Variants in ASXL1 observed in about 807,000 individuals in gnomAD.
The protein encoded by ASXL1 is polycomb group protein ASXL1.
ASXL1 carries 65 observed loss-of-function variants against 89.1 expected under a neutral mutation model. That is an observed-to-expected ratio of 0.73 (90% CI 0.60 to 0.90). The LOEUF is 0.90. Among genes scored for constraint, ASXL1 ranks in the 40% least tolerant of loss-of-function variants. The pLI is 0.00. For synonymous variants in ASXL1, 739 were observed against 746.9 expected (o/e 0.99, Z 0.17); for missense variants, 1,786 against 1,942.9 (o/e 0.92, Z 1.52).
intron 4 of ASXL1, among the ~76,000 whole-genome samples, chr20:32,408,779 T>G (rs2123094455): frequency 6.6e-6 from 1 of 151,968 alleles, no homozygotes; most frequent in Admixed American, 6.6e-5. Flanking sequence ...TTAAAAAAAT[T>G]GGGATTTTGA....
At chr20:32,411,694 A>C (rs922315830) in intron 4 of ASXL1, among the ~76,000 whole-genome samples, 2 of 150,224 alleles carry the variant, frequency 1.3e-5, no homozygotes, top group African/African-American at 2.5e-5. Context: ...GGTTTGTGCC[A>C]CCACACCCAG....
intron 4 of ASXL1, among the ~76,000 whole-genome samples, chr20:32,395,864 T>C (rs2048752465): frequency 6.6e-6 from 1 of 152,196 alleles, no homozygotes; most frequent in African/African-American, 2.4e-5. Context: ...AGTGGCATGA[T>C]CTTGGCTCGC....
At chr20:32,379,980 A>G (rs1361409366) in intron 4 of ASXL1, among the ~76,000 whole-genome samples, 3 of 151,940 alleles carry the variant, frequency 2.0e-5, no homozygotes, top group Admixed American at 2.0e-4. Context: ...GTATAAAAAA[A>G]CTTAATAAAA....
intron 4 of ASXL1, among the ~76,000 whole-genome samples, chr20:32,418,464 A>G (rs2049176482): frequency 6.6e-6 from 1 of 152,186 alleles, no homozygotes; most frequent in South Asian, 2.1e-4. Context: ...TAATTCATAG[A>G]CCATACAGTT....
At chr20:32,430,093 G>T (rs1049852826) in intron 8 of ASXL1, 40 bp downstream of exon 8, 1 of 1,591,034 alleles carries the variant, frequency 6.3e-7, no homozygotes, top group Non-Finnish European at 8.5e-7. Flanking sequence ...TGTAAAGGGG[G>T]CCCCTGCAGG....
intron 1 of ASXL1, among the ~76,000 whole-genome samples, chr20:32,365,039 A>G (rs944701534): frequency 3.9e-5 from 6 of 152,224 alleles, no homozygotes; most frequent in African/African-American, 9.6e-5. Flanking sequence ...CAGGCTGTCA[A>G]TCAAGGTAGG....
chr20:32,382,344 C>T (rs913970791), intron 4 of ASXL1, among the ~76,000 whole-genome samples: 6 of 152,028 alleles, frequency 3.9e-5, no homozygotes, highest in Non-Finnish European at 7.4e-5. Flanking sequence ...ATAAACCTTT[C>T]TCAGGGTGTG....
chr20:32,434,943 G>T lies in ASXL1; in HGVS notation c.2231G>T (p.Gly744Val). The change falls in exon 13 of 13, where the codon GGA becomes GTA. Residue 744 changes from glycine to valine, a missense_variant. Transcript: ENST00000375687. ...ACAGTTGGACTCACAGATGGGCTAG[G>T]AGATGCCTCCCAACTCCCCGTTGCT... ...RATVGLTDGL[G>V]DASQLPVAPT... 1 of 1,614,160 alleles carries T rather than the reference G, an allele frequency of 6.2e-7. No individual in the cohort carries two copies. Among genetic ancestry groups the T allele is most frequent in the Non-Finnish European group, 8.5e-7 (1 of 1,180,026 alleles).
chr20:32,401,867 T>A (rs1033870099), intron 4 of ASXL1, among the ~76,000 whole-genome samples: 2 of 152,136 alleles, frequency 1.3e-5, no homozygotes, highest in African/African-American at 4.8e-5. Context: ...ACTATACATA[T>A]ACGCCTATGA....
chr20:32,434,583 T>TC lies in ASXL1; in HGVS notation c.1873dup (p.Arg625ProfsTer10), dbSNP rs761292063. ...GACATTAAAGCCCGTGCTCTGCAGG[T>TC]CCGAGGGGCGAGAGGTCACCACTGC... is the stretch of plus-strand genomic sequence containing the variant. On this transcript the variant is annotated frameshift_variant, in exon 13 of 13. Transcript: ENST00000375687. LOFTEE classifies it low-confidence loss of function (END_TRUNC). The TC allele has an allele frequency of 1.2e-6, 2 of 1,612,992 alleles. No homozygotes were observed. The highest frequency in any genetic ancestry group is 1.7e-6 in the Non-Finnish European group (2 of 1,179,926).
In ASXL1 at chr20:32,438,002, G is replaced by A; in HGVS notation, c.*664G>A. 1 of 234,374 alleles carries A rather than the reference G, an allele frequency of 4.3e-6. No homozygotes were observed. Among genetic ancestry groups the A allele is most frequent in the Admixed American group, 5.6e-5 (1 of 17,960 alleles). The allele number at this position is 234,374 out of a possible 1,614,324, so 14.5% of individuals were successfully genotyped here. On this transcript the variant is annotated 3_prime_UTR_variant, in exon 13 of 13. Transcript: ENST00000375687. ...CTTGAATAGCTCTGCTTGGACAATG[G>A]GGTTGGGGAATAGGGTTGTCTTTCC...
intron 6 of ASXL1, 139 bp downstream of exon 6, chr20:32,428,561 TTA>T (rs1304454564): frequency 1.2e-6 from 1 of 811,190 alleles, no homozygotes; most frequent in Non-Finnish European, 2.1e-6. Flanking sequence ...TTAGTAGCAT[TTA>T]ACAGGGGGCC....
chr20:32,424,299 C>CT (rs1371121171), intron 4 of ASXL1, among the ~76,000 whole-genome samples: 13 of 152,174 alleles, frequency 8.5e-5, no homozygotes, highest in African/African-American at 3.1e-4. Context: ...CTTTGGGAGG[C>CT]TGAGGTGGGT....
intron 10 of ASXL1, 127 bp from the exon 11 acceptor site, chr20:32,432,753 A>C: frequency 8.4e-7 from 1 of 1,192,860 alleles, no homozygotes; most frequent in Non-Finnish European, 1.2e-6. Flanking sequence ...CTCTGTCCCT[A>C]TAAGAGCATG....
chr20:32,432,702 C>A, intron 10 of ASXL1, 178 bp from the exon 11 acceptor site: 1 of 729,636 alleles, frequency 1.4e-6, no homozygotes, highest in Non-Finnish European at 2.2e-6. Flanking sequence ...CTTGGTCTCA[C>A]TTTAAGGAAG....
intron 4 of ASXL1, among the ~76,000 whole-genome samples, chr20:32,403,445 C>T (rs2048907865): frequency 6.6e-6 from 1 of 152,136 alleles, no homozygotes; most frequent in African/African-American, 2.4e-5. Context: ...GAGACAGCCT[C>T]AGTGTTTTGC....
intron 4 of ASXL1, among the ~76,000 whole-genome samples, chr20:32,405,977 T>A (rs558285417): frequency 9.9e-5 from 15 of 152,086 alleles, no homozygotes; most frequent in African/African-American, 2.4e-4. Context: ...CAAAAAAAAA[T>A]TAATAGTAAT....
At chr20:32,373,700 CTACTGAAA>C (rs1297112712) in intron 4 of ASXL1, among the ~76,000 whole-genome samples, 2 of 151,974 alleles carry the variant, frequency 1.3e-5, no homozygotes, top group Non-Finnish European at 2.9e-5. Context: ...AACCCTGTCT[CTACTGAAA>C]ATGCGAAAAT....
Position 32,433,567 on chromosome 20 carries a change from G to A in ASXL1, c.1369G>A (p.Asp457Asn), listed in dbSNP as rs912915179. ...CTACAAGGATGGGGAGGCTAAGACTGACCCAGCAGGGCTGAGCAGTCCCCA... is the reference window on the plus strand; with the variant it reads ...CTACAAGGATGGGGAGGCTAAGACTAACCCAGCAGGGCTGAGCAGTCCCCA... ...PLYKDGEAKT[D>N]PAGLSSPHLP... The change falls in exon 12 of 13, where the codon GAC (aspartate) becomes AAC (asparagine). Residue 457 changes from aspartate (D) to asparagine (N), a missense_variant. Asp to Asn is a conservative substitution (Grantham distance 23). This residue lies in a region of ASXL1 where 1,418 missense variants were observed against 1,427.8 expected (regional missense o/e 0.99). Coordinates refer to ENST00000375687, the MANE Select transcript of ASXL1 (RefSeq NM_015338.6). 3 of 1,614,084 alleles carry A rather than the reference G, an allele frequency of 1.9e-6. No homozygotes were observed. The African/African-American group carries it at 4.0e-5, about 22-fold the overall frequency.
Sources: allele counts gnomAD v4.1 joint callset (sites outside exome capture counted in the v4.1 genomes callset), GRCh38; gene constraint gnomAD v4.1.1; regional missense constraint gnomAD v4.1.1; transcripts MANE v1.5; gene names NCBI Gene and HGNC (gene_info 2026-07-23, HGNC 2026-07-21).